DBNL: variants seen among roughly 807,000 people sequenced by gnomAD.
DBNL encodes the protein drebrin-like protein.
Under a neutral mutation model 62.2 loss-of-function variants are expected in DBNL, and 35 were observed. The observed-to-expected ratio is 0.56, with a 90% CI of 0.43 to 0.75. The LOEUF (loss-of-function observed/expected upper bound fraction) is 0.75. Ranked by LOEUF, DBNL falls within the 30% of genes least tolerant of loss-of-function variation. The pLI is 0.00. For missense variants in DBNL, 495 were observed against 578.4 expected (o/e 0.86, Z 1.48); for synonymous variants, 197 against 218.0 (o/e 0.90, Z 0.85).
chr7:44,047,590 G>A (rs970704224), intron 1 of DBNL, among the ~76,000 whole-genome samples: 1 of 152,118 alleles, frequency 6.6e-6, no homozygotes, highest in African/African-American at 2.4e-5. Flanking sequence ...AAGTTCCATG[G>A]GCAGGACCTT....
chr7:44,062,628 T>C lies in DBNL; in HGVS notation c.*1712T>C. The C allele has an allele frequency of 2.4e-6, 2 of 847,536 alleles. No individual in the cohort carries two copies. Among genetic ancestry groups the C allele is most frequent in the Non-Finnish European group, 3.8e-6 (2 of 523,642 alleles). 52.5% of individuals were successfully genotyped at this position (847,536 alleles called of 1,614,324 possible). On this transcript the variant is annotated 3_prime_UTR_variant, in exon 13 of 13. Transcript: ENST00000448521. ...GCTCCTGCCCCTGGTGACACACGTA[T>C]GGAGTGGGGGAGGGTGGGTGGCTGC...
At chr7:44,049,508 C>A (rs1422297147) in intron 1 of DBNL, among the ~76,000 whole-genome samples, 2 of 152,212 alleles carry the variant, frequency 1.3e-5, no homozygotes, top group Non-Finnish European at 2.9e-5. Flanking sequence ...AAAGCCATGG[C>A]CCCATGTCAC....
chr7:44,054,847 C>T (rs1267603470), intron 4 of DBNL, among the ~76,000 whole-genome samples: 1 of 152,156 alleles, frequency 6.6e-6, no homozygotes, highest in East Asian at 1.9e-4. Flanking sequence ...CCATGATACC[C>T]ACTTTTTTAG....
intron 4 of DBNL, among the ~76,000 whole-genome samples, chr7:44,054,473 G>A (rs6969124): frequency 0.2 from 30,301 of 152,124 alleles, 3,429 homozygotes; most frequent in African/African-American, 0.31. Flanking sequence ...GATTACAGGC[G>A]AGAGCCACCG....
intron 4 of DBNL, among the ~76,000 whole-genome samples, chr7:44,054,259 C>G (rs561837405): frequency 1.0e-3 from 155 of 152,280 alleles, no homozygotes; most frequent in African/African-American, 3.5e-3. Flanking sequence ...GTGGCACGAT[C>G]TCGGCTCACT....
At position 44,050,447 on chromosome 7, in the gene DBNL, C is replaced by T. The variant is rs2096124637; in HGVS notation, c.139+167C>T. The T allele has an allele frequency of 9.7e-6, 6 of 616,666 alleles. No homozygotes were observed. The South Asian group carries it at 1.1e-4, about 11-fold the overall frequency. The allele number at this position is 616,666 out of a possible 1,614,324, so 38.2% of individuals were successfully genotyped here. A position where few individuals can be genotyped will look rare whatever the true frequency, so the allele number is the denominator to read the frequency against. On this transcript the variant is annotated intron_variant, in intron 2 of 12. Coordinates refer to ENST00000448521, the MANE Select transcript of DBNL (RefSeq NM_001014436.3). Reference sequence around the variant, plus strand: ...TCAGATATGTGTAAGTGAAAACATTCCTCCTTGGTTCTCCTTCCCTCTGGG... The same window carrying T: ...TCAGATATGTGTAAGTGAAAACATTTCTCCTTGGTTCTCCTTCCCTCTGGG...
chr7:44,051,695 C>G, intron 2 of DBNL, 135 bp from the exon 3 acceptor site: 1 of 718,330 alleles, frequency 1.4e-6, no homozygotes, highest in East Asian at 2.7e-5. Flanking sequence ...TTTAAACATA[C>G]CCCTAGAAAG....
chr7:44,048,796 C>G (rs10261516), intron 1 of DBNL, among the ~76,000 whole-genome samples: 44,868 of 152,142 alleles, frequency 0.29, 7,184 homozygotes, highest in African/African-American at 0.42. Flanking sequence ...TGGGGATGTT[C>G]AGTTGCTGCA....
In DBNL at chr7:44,067,895, GAC is replaced by G. The variant is rs2096162790; in HGVS notation, c.*6985_*6986del. The stretch of plus-strand genomic sequence containing the variant: ...GAGGTAACAAGTATTGCCTAGCCTG[GAC>G]ACACAGGCGGCTTGAAACCTCAAGT... On this transcript the variant is annotated 3_prime_UTR_variant, in exon 13 of 13. Coordinates refer to ENST00000448521, the MANE Select transcript of DBNL (RefSeq NM_001014436.3). The G allele has an allele frequency of 6.6e-6, 1 of 152,228 alleles. No homozygotes were observed. The highest frequency in any genetic ancestry group is 2.4e-5 in the African/African-American group (1 of 41,434). The allele number at this position is 152,228 out of a possible 1,614,324, so 9.4% of individuals were successfully genotyped here.
rs1455930467 is a variant in DBNL, at chr7:44,065,555, T to G, written c.*4639T>G. ...GGTGGCAGCAGGGACCACAGAGGAC[T>G]CTGGACGGGGACGGCTGCTTCCCAA... On this transcript the variant is annotated 3_prime_UTR_variant, in exon 13 of 13. Coordinates refer to ENST00000448521, the MANE Select transcript of DBNL (RefSeq NM_001014436.3). 6.2e-7 allele frequency: 1 copy of G among 1,610,470 alleles called. No homozygotes were observed.
chr7:44,045,479 C>T (rs2096115608), intron 1 of DBNL, among the ~76,000 whole-genome samples: 2 of 152,222 alleles, frequency 1.3e-5, no homozygotes, highest in Admixed American at 6.5e-5. Context: ...GTCCCATTTT[C>T]CCTCTACCAC....
At chr7:44,047,598 C>CCCA (rs2096119580) in intron 1 of DBNL, among the ~76,000 whole-genome samples, 1 of 152,186 alleles carries the variant, frequency 6.6e-6, no homozygotes, top group African/African-American at 2.4e-5. Flanking sequence ...TGGGCAGGAC[C>CCCA]TTTTAGGGAT....
chr7:44,066,115 G>A lies in DBNL; in HGVS notation c.*5199G>A, dbSNP rs550521929. 5.0e-5 allele frequency: 9 copies of A among 181,714 alleles called. No homozygotes were observed. The highest frequency in any genetic ancestry group is 4.8e-4 in the Admixed American group (9 of 18,804). The allele number at this position is 181,714 out of a possible 1,614,324, so 11.3% of individuals were successfully genotyped here. A position where few individuals can be genotyped will look rare whatever the true frequency, so the allele number is the denominator to read the frequency against. On this transcript the variant is annotated 3_prime_UTR_variant, in exon 13 of 13. Transcript: ENST00000448521. ...AGCAGCAGAATGGGCAAGGGCTGGG[G>A]CTGAGCCGGGTTTCCAGGACAAAGG...
chr7:44,052,566 C>T (rs144657693), intron 3 of DBNL, among the ~76,000 whole-genome samples: 17 of 151,184 alleles, frequency 1.1e-4, no homozygotes, highest in East Asian at 7.8e-4. Flanking sequence ...GCCAAGATTG[C>T]GCCACTGTAC....
Position 44,069,246 on chromosome 7 carries a change from ATTCTT to A in DBNL, c.*8332_*8336del, listed in dbSNP as rs1162619828. ...CAAAAGTCCACATAAATATGAAACT[ATTCTT>A]TACTTCTTTAAGAGTTATGTGATGG... is the stretch of plus-strand genomic sequence containing the variant. On this transcript the variant is annotated 3_prime_UTR_variant, in exon 13 of 13. Transcript: ENST00000448521. 5.9e-5 allele frequency: 9 copies of A among 152,282 alleles called. No individual in the cohort carries two copies. Among genetic ancestry groups the A allele is most frequent in the African/African-American group, 1.9e-4 (8 of 41,562 alleles). 9.4% of individuals were successfully genotyped at this position (152,282 alleles called of 1,614,324 possible).
At chr7:44,053,656 C>G (rs187701409) in intron 4 of DBNL, among the ~76,000 whole-genome samples, 1 of 151,548 alleles carries the variant, frequency 6.6e-6, no homozygotes, top group Non-Finnish European at 1.5e-5. Context: ...ATCCAAAATC[C>G]GAAATTCTCC....
In DBNL at chr7:44,059,468, C is replaced by T; in HGVS notation, c.931+19C>T. The stretch of plus-strand genomic sequence containing the variant: ...AGGGCAGGCAAGGCGCTTGTCACCC[C>T]ATGGGGACCCTGGGGGACAGCAGTG... On this transcript the variant is annotated intron_variant, in intron 10 of 12. Coordinates refer to ENST00000448521, the MANE Select transcript of DBNL (RefSeq NM_001014436.3). The surrounding 1 kb of genome is among the most constrained non-coding windows in gnomAD (Gnocchi z 4.1). 6.2e-7 allele frequency: 1 copy of T among 1,613,852 alleles called. No individual in the cohort carries two copies. Among genetic ancestry groups the T allele is most frequent in the Non-Finnish European group, 8.5e-7 (1 of 1,179,902 alleles).
At position 44,063,074 on chromosome 7, in the gene DBNL, T is replaced by C; in HGVS notation, c.*2158T>C. 1.2e-6 allele frequency: 1 copy of C among 865,580 alleles called. No homozygotes were observed. Among genetic ancestry groups the C allele is most frequent in the Non-Finnish European group, 1.9e-6 (1 of 526,136 alleles). The allele number at this position is 865,580 out of a possible 1,614,324, so 53.6% of individuals were successfully genotyped here. A position where few individuals can be genotyped will look rare whatever the true frequency, so the allele number is the denominator to read the frequency against. Reference sequence around the variant, plus strand: ...CCCTGAGAACGAGGCCACAGAAATGTTGCCAAAGGTCAAGGAGTAACTGAG... The same window carrying C: ...CCCTGAGAACGAGGCCACAGAAATGCTGCCAAAGGTCAAGGAGTAACTGAG... On this transcript the variant is annotated 3_prime_UTR_variant, in exon 13 of 13. Transcript: ENST00000448521.
intron 1 of DBNL, among the ~76,000 whole-genome samples, chr7:44,046,974 G>C (rs1354562943): frequency 2.0e-5 from 3 of 152,168 alleles, no homozygotes; most frequent in Admixed American, 6.6e-5. Context: ...CAGAGTCCTT[G>C]CTCTGCTGCT....
Sources: allele counts gnomAD v4.1 joint callset (sites outside exome capture counted in the v4.1 genomes callset), GRCh38; gene constraint gnomAD v4.1.1; non-coding constraint Gnocchi (gnomAD v3.1); transcripts MANE v1.5; gene names NCBI Gene and HGNC (gene_info 2026-07-23, HGNC 2026-07-21).